Variants in SPATA13 observed in about 807,000 individuals in gnomAD.
SPATA13 encodes the protein spermatogenesis-associated protein 13.
In SPATA13, 50 loss-of-function variants were observed where a neutral mutation model predicts 104.0. The ratio of observed to expected loss-of-function variants is 0.48; its 90% CI spans 0.38 to 0.61. The LOEUF (loss-of-function observed/expected upper bound fraction) is 0.61. Among genes scored for constraint, SPATA13 ranks in the 20% least tolerant of loss-of-function variants. The pLI, the probability that SPATA13 is intolerant of heterozygous loss-of-function variation, is 0.00. For missense variants in SPATA13, 1,524 were observed against 1,690.6 expected, an observed-to-expected ratio of 0.90 and a Z score of 1.73; for synonymous variants, 606 against 667.5, an observed-to-expected ratio of 0.91 and a Z score of 1.42.
upstream of SPATA13, among the ~76,000 whole-genome samples, chr13:24,157,298 C>A (rs201892125): frequency 6.9e-6 from 1 of 145,424 alleles, no homozygotes; most frequent in Admixed American, 6.9e-5. Context: ...TCTTTTTTTT[C>A]TTTTTAATAT....
chr13:24,223,804 G>T lies in SPATA13; in HGVS notation c.875G>T (p.Ser292Ile), dbSNP rs766737529. The change falls in exon 2 of 13, where the codon AGT becomes ATT. Residue 292 changes from serine (S) to isoleucine (I), a missense_variant. Transcript: ENST00000382108. ...CGGGTACCACAGAGGACCCTGAGCA[G>T]TTCCTCCACTGACTCCCAAAAGCTT... Reference protein sequence around the residue: ...DARVPQRTLSSSSTDSQKLGS... With the variant: ...DARVPQRTLSISSTDSQKLGS... 22 of 1,551,706 alleles carry T rather than the reference G, an allele frequency of 1.4e-5. No homozygotes were observed. The highest frequency in any genetic ancestry group is 1.9e-5 in the Non-Finnish European group (22 of 1,147,020).
At chr13:23,985,749 A>C (rs569120096) in intron 2 of SPATA13, among the ~76,000 whole-genome samples, 11 of 152,336 alleles carry the variant, frequency 7.2e-5, no homozygotes, top group African/African-American at 2.2e-4. Flanking sequence ...GTTCATTTCC[A>C]GGACAGAAGG....
At chr13:24,255,773 G>A (rs573489597) in intron 4 of SPATA13, among the ~76,000 whole-genome samples, 1 of 152,292 alleles carries the variant, frequency 6.6e-6, no homozygotes, top group Admixed American at 6.5e-5. Context: ...TATGCACTGA[G>A]GGTTTTAGGT....
At position 24,302,801 on chromosome 13, in the gene SPATA13, T is replaced by A. The variant is rs970259811; in HGVS notation, c.*28T>A. 6.2e-7 allele frequency: 1 copy of A among 1,613,962 alleles called. No homozygotes were observed. The highest frequency in any genetic ancestry group is 2.2e-5 in the East Asian group (1 of 44,882). ...ACAGGAGGCTGTGCTTCCATGGAGC[T>A]GGGTGTCAAGAGAAGAACTGTCTTT... On this transcript the variant is annotated 3_prime_UTR_variant, in exon 13 of 13. Coordinates refer to ENST00000382108, the MANE Select transcript of SPATA13 (RefSeq NM_001166271.3).
At chr13:24,092,192 C>G (rs1475029502) in intron 3 of SPATA13, among the ~76,000 whole-genome samples, 1 of 152,156 alleles carries the variant, frequency 6.6e-6, no homozygotes, top group Admixed American at 6.5e-5. Flanking sequence ...AATAACTTCT[C>G]CAATGTTGAT....
intron 4 of SPATA13, among the ~76,000 whole-genome samples, chr13:24,261,382 G>A (rs1874056063): frequency 2.0e-5 from 3 of 152,132 alleles, no homozygotes; most frequent in Admixed American, 1.3e-4. Context: ...AAGTCAGAGC[G>A]ACCTATGGGC....
chr13:23,993,859 T>C (rs1216252944), intron 2 of SPATA13, among the ~76,000 whole-genome samples: 3 of 152,064 alleles, frequency 2.0e-5, no homozygotes, highest in Admixed American at 2.0e-4. Flanking sequence ...CAACAACAGA[T>C]TTGTCTGGGA....
chr13:24,180,292 G>A (rs1408507574), intron 1 of SPATA13, among the ~76,000 whole-genome samples: 1 of 152,126 alleles, frequency 6.6e-6, no homozygotes, highest in Non-Finnish European at 1.5e-5. Flanking sequence ...TGTTGAAAAT[G>A]AATTGAGCAT....
chr13:24,085,004 C>T (rs1353508377), intron 3 of SPATA13, among the ~76,000 whole-genome samples: 1 of 152,176 alleles, frequency 6.6e-6, no homozygotes, highest in African/African-American at 2.4e-5. Flanking sequence ...CAATAAACCC[C>T]CCTAAGTCAG....
chr13:24,109,347 C>T (rs1354057624), intron 3 of SPATA13, among the ~76,000 whole-genome samples: 1 of 152,116 alleles, frequency 6.6e-6, no homozygotes, highest in East Asian at 1.9e-4. Context: ...TTTTCTTAAT[C>T]CGGTCTATCA....
At chr13:24,112,652 G>C (rs1880683680) in intron 3 of SPATA13, among the ~76,000 whole-genome samples, 1 of 152,094 alleles carries the variant, frequency 6.6e-6, no homozygotes, top group Non-Finnish European at 1.5e-5. Context: ...ACAGCTGTTT[G>C]TTTGTTATAT....
chr13:24,096,024 C>T (rs1983870), intron 3 of SPATA13, among the ~76,000 whole-genome samples: 127,050 of 152,144 alleles, frequency 0.84, 53,891 homozygotes, highest in Non-Finnish European at 0.91. Context: ...TGGGTCACTT[C>T]CCAGCTAAGC....
chr13:23,992,794 C>T (rs1467025060), intron 2 of SPATA13, among the ~76,000 whole-genome samples: 1 of 152,166 alleles, frequency 6.6e-6, no homozygotes, highest in African/African-American at 2.4e-5. Context: ...GACATGGCCA[C>T]GTTTGGCTCC....
Position 24,305,354 on chromosome 13 carries a change from A to T in SPATA13, c.*2581A>T, listed in dbSNP as rs917638802. 1 of 152,226 alleles carries T rather than the reference A, an allele frequency of 6.6e-6. No homozygotes were observed. The highest frequency in any genetic ancestry group is 1.5e-5 in the Non-Finnish European group (1 of 68,042). 9.4% of individuals were successfully genotyped at this position (152,226 alleles called of 1,614,324 possible). On this transcript the variant is annotated 3_prime_UTR_variant, in exon 13 of 13. Transcript: ENST00000382108. ...TTTTATAGAGTGTGAGGGTCACTCC[A>T]TTAAAGATCTCTCCTGGGTGGATCC...
intron 1 of SPATA13, among the ~76,000 whole-genome samples, chr13:24,217,713 G>A (rs1871334991): frequency 6.6e-6 from 1 of 152,182 alleles, no homozygotes; most frequent in Non-Finnish European, 1.5e-5. Flanking sequence ...ACCAGCCCCT[G>A]GGCTGGAGTG....
intron 1 of SPATA13, among the ~76,000 whole-genome samples, chr13:24,198,153 G>GC (rs753490794): frequency 2.6e-5 from 4 of 152,162 alleles, no homozygotes; most frequent in African/African-American, 4.8e-5. Flanking sequence ...CCGCCACCAT[G>GC]CCAGCTAATT....
intron 4 of SPATA13, among the ~76,000 whole-genome samples, chr13:24,261,286 G>A (rs568602508): frequency 3.9e-5 from 6 of 152,308 alleles, no homozygotes; most frequent in East Asian, 3.9e-4. Flanking sequence ...GCAGCCATCC[G>A]TGCTGCCTCT....
intron 3 of SPATA13, among the ~76,000 whole-genome samples, chr13:24,030,064 A>G (rs56971121): frequency 0.7 from 97,383 of 139,884 alleles, 31,800 homozygotes; most frequent in East Asian, 0.91. Context: ...ACACACACAC[A>G]CGCACACACA....
At chr13:24,179,301 C>T (rs2138520511) in intron 1 of SPATA13, among the ~76,000 whole-genome samples, 1 of 152,272 alleles carries the variant, frequency 6.6e-6, no homozygotes, top group Admixed American at 6.5e-5. Context: ...CTATGCGTGG[C>T]ATTGCTGAGT....
Sources: allele counts gnomAD v4.1 joint callset (sites outside exome capture counted in the v4.1 genomes callset), GRCh38; gene constraint gnomAD v4.1.1; transcripts MANE v1.5; gene names NCBI Gene and HGNC (gene_info 2026-07-23, HGNC 2026-07-21).